RBMS1: variants seen among roughly 807,000 people sequenced by gnomAD.
The protein encoded by RBMS1 is RNA-binding motif, single-stranded-interacting protein 1.
Under a neutral mutation model 62.3 loss-of-function variants are expected in RBMS1, and 17 were observed. The observed-to-expected ratio is 0.27, with a 90% CI of 0.19 to 0.41. The LOEUF is 0.41. Ranked by LOEUF, RBMS1 falls within the 10% of genes least tolerant of loss-of-function variation. The pLI, the probability that RBMS1 is intolerant of heterozygous loss-of-function variation, is 1.00. For synonymous variants in RBMS1, 172 were observed against 170.0 expected (o/e 1.01, Z -0.09); for missense variants, 334 against 504.5 (o/e 0.66, Z 3.24).
At chr2:160,356,923 T>C (rs907763698) in intron 2 of RBMS1, among the ~76,000 whole-genome samples, 1 of 152,154 alleles carries the variant, frequency 6.6e-6, no homozygotes, top group African/African-American at 2.4e-5. Context: ...ATTATTTAGA[T>C]GTTTACACAT....
At chr2:160,294,850 C>A (rs955783697) in intron 6 of RBMS1, among the ~76,000 whole-genome samples, 2 of 152,030 alleles carry the variant, frequency 1.3e-5, no homozygotes, top group Admixed American at 1.3e-4. Flanking sequence ...ATTCAACTGA[C>A]CCCTGCCTGA....
At chr2:160,393,567 C>T (rs1028913457) in intron 1 of RBMS1, among the ~76,000 whole-genome samples, 5 of 152,068 alleles carry the variant, frequency 3.3e-5, no homozygotes, top group Non-Finnish European at 4.4e-5. Context: ...GCACCGAGGT[C>T]GGGAGTTTGA....
chr2:160,358,348 T>A (rs892343628), intron 2 of RBMS1, among the ~76,000 whole-genome samples: 1 of 152,154 alleles, frequency 6.6e-6, no homozygotes, highest in Non-Finnish European at 1.5e-5. Context: ...CTTTTTACGA[T>A]GGGACAAATT....
At chr2:160,387,310 AT>A (rs935110276) in intron 1 of RBMS1, among the ~76,000 whole-genome samples, 367 of 146,710 alleles carry the variant, frequency 2.5e-3, no homozygotes, top group South Asian at 3.7e-3. Flanking sequence ...TATTTTAATG[AT>A]TTTTTTTTTT....
intron 1 of RBMS1, among the ~76,000 whole-genome samples, chr2:160,449,377 G>C (rs376841673): frequency 4.6e-5 from 7 of 152,244 alleles, no homozygotes; most frequent in African/African-American, 1.7e-4. Context: ...CGTTTTTGTC[G>C]AATAGAAAAG....
intron 1 of RBMS1, among the ~76,000 whole-genome samples, chr2:160,439,602 C>A (rs1472101360): frequency 6.6e-6 from 1 of 151,158 alleles, no homozygotes; most frequent in East Asian, 2.0e-4. Context: ...CTCCTCACAT[C>A]CCAGACGATG....
intron 11 of RBMS1, chr2:160,278,006 T>A (rs140876387): frequency 6.0e-6 from 1 of 165,462 alleles, no homozygotes; most frequent in African/African-American, 2.4e-5. Context: ...TAAGCCACTA[T>A]AGAATAGAGG....
intron 5 of RBMS1, 48 bp from the exon 6 acceptor site, chr2:160,300,778 C>A: frequency 6.8e-7 from 1 of 1,477,250 alleles, no homozygotes; most frequent in Non-Finnish European, 9.0e-7. Flanking sequence ...GGTTTCTTAA[C>A]TTTCATCTTG....
intron 1 of RBMS1, among the ~76,000 whole-genome samples, chr2:160,428,821 CTG>C (rs1682763769): frequency 1.3e-5 from 2 of 152,188 alleles, no homozygotes; most frequent in African/African-American, 4.8e-5. Flanking sequence ...TTTACAAAGT[CTG>C]TAATAGCTGT....
chr2:160,366,575 T>C (rs180827812), intron 2 of RBMS1, among the ~76,000 whole-genome samples: 2 of 152,368 alleles, frequency 1.3e-5, no homozygotes, highest in East Asian at 3.9e-4. Context: ...GTTAGTGTAA[T>C]TGCAGCAAAG....
At chr2:160,388,968 G>A (rs1213883253) in intron 1 of RBMS1, among the ~76,000 whole-genome samples, 1 of 152,338 alleles carries the variant, frequency 6.6e-6, no homozygotes, top group African/African-American at 2.4e-5. Flanking sequence ...TTCCACATGT[G>A]CTCATCTCAC....
chr2:160,380,307 T>C (rs183914252), intron 1 of RBMS1, among the ~76,000 whole-genome samples: 2 of 152,150 alleles, frequency 1.3e-5, no homozygotes, highest in Admixed American at 1.3e-4. Context: ...CAGTGGGCTT[T>C]CCAGAACAGG....
chr2:160,308,336 C>T (rs2105958653), intron 4 of RBMS1, among the ~76,000 whole-genome samples: 1 of 152,142 alleles, frequency 6.6e-6, no homozygotes, highest in Non-Finnish European at 1.5e-5. Context: ...GCGGAGGTTG[C>T]AGTGAGCCGA....
intron 1 of RBMS1, among the ~76,000 whole-genome samples, chr2:160,420,376 T>C (rs1377144980): frequency 1.3e-5 from 2 of 152,216 alleles, no homozygotes; most frequent in Non-Finnish European, 2.9e-5. Flanking sequence ...GTTGAAATCA[T>C]GCCTCATGGT....
rs147286509 is a variant in RBMS1 at position 160,374,761 on chromosome 2, C to T, written c.76-7370G>A. Among the ~76,000 whole-genome samples, 16 of 152,222 alleles carry T rather than the reference C, an allele frequency of 1.1e-4. No homozygotes were observed. The East Asian group carries it at 2.9e-3, about 28-fold the overall frequency. ...CCTGACCAATATGGTGAAACCCTGTCTCTACTAAAAATGCAAAAATTAGCC... is the reference window on the plus strand; with the variant it reads ...CCTGACCAATATGGTGAAACCCTGTTTCTACTAAAAATGCAAAAATTAGCC... On this transcript the variant is annotated intron_variant, in intron 1 of 13. Coordinates refer to ENST00000348849, the MANE Select transcript of RBMS1 (RefSeq NM_016836.4).
At chr2:160,311,038 A>G (rs1689825376) in intron 4 of RBMS1, among the ~76,000 whole-genome samples, 1 of 151,668 alleles carries the variant, frequency 6.6e-6, no homozygotes, top group African/African-American at 2.4e-5. Context: ...TACTAAAAAT[A>G]CAAAAATTAT....
In RBMS1 at chr2:160,318,203, C is replaced by T. The variant is rs1690333587; in HGVS notation, c.276G>A (p.Lys92=). 8 of 1,545,276 alleles carry T rather than the reference C, an allele frequency of 5.2e-6. No homozygotes were observed. The highest frequency in any genetic ancestry group is 2.2e-4 in the Middle Eastern group (1 of 4,468). ...TGTTCGTTGTCTTATCCAAAATTGC[C>T]TTTGTGGAGACTATTTTCCCATATC... ...CQPYGKIVST[K]AILDKTTNKC... The change falls in exon 3 of 14, where the codon AAG becomes AAA. Residue 92 remains lysine, a synonymous_variant. Coordinates refer to ENST00000348849, the MANE Select transcript of RBMS1 (RefSeq NM_016836.4).
intron 1 of RBMS1, among the ~76,000 whole-genome samples, chr2:160,418,627 C>T (rs1162398265): frequency 1.3e-5 from 2 of 152,130 alleles, no homozygotes; most frequent in Non-Finnish European, 2.9e-5. Context: ...CCTCTTCTTC[C>T]ATATGCAGCA....
At chr2:160,389,698 C>CAAAAA (rs61570926) in intron 1 of RBMS1, among the ~76,000 whole-genome samples, 3 of 50,378 alleles carry the variant, frequency 6.0e-5, no homozygotes, top group African/African-American at 2.6e-4. Flanking sequence ...ACTCTTGTCT[C>CAAAAA]AAAAAAAAAA....
Sources: gnomAD v4.1 joint callset for allele counts (sites outside exome capture counted in the v4.1 genomes callset) on GRCh38, gnomAD v4.1.1 for gene constraint, MANE v1.5 for transcripts, NCBI Gene and HGNC (gene_info 2026-07-23, HGNC 2026-07-21) for gene names.